MRAP2: variants seen among roughly 807,000 people sequenced by gnomAD.
MRAP2 encodes the protein melanocortin 2 receptor accessory protein 2.
In MRAP2, 20 loss-of-function variants were observed where a neutral mutation model predicts 17.4. The ratio of observed to expected loss-of-function variants is 1.15; its 90% CI spans 0.81 to 1.67. The LOEUF (loss-of-function observed/expected upper bound fraction) is 1.67, where lower values mean the gene tolerates loss of function less well. Among genes scored for constraint, MRAP2 ranks in the 40% most tolerant of loss-of-function variants. MRAP2 has a pLI of 0.00. For synonymous variants in MRAP2, 96 were observed against 88.4 expected, an observed-to-expected ratio of 1.09 and a Z score of -0.48; for missense variants, 238 against 240.0, an observed-to-expected ratio of 0.99 and a Z score of 0.05.
chr6:84,039,376 T>C (rs1299026213), intron 1 of MRAP2, among the ~76,000 whole-genome samples: 1 of 152,240 alleles, frequency 6.6e-6, no homozygotes. Flanking sequence ...ATGATCATGT[T>C]ATTTTTGCTT....
chr6:84,097,305 C>G, the MRAP2 span, among the ~76,000 whole-genome samples: 1 of 152,290 alleles, frequency 6.6e-6, no homozygotes, highest in East Asian at 1.9e-4. Context: ...CGAGCCCACT[C>G]TTTTCAGGGC....
chr6:84,114,884 C>A, the MRAP2 span, among the ~76,000 whole-genome samples: 1 of 152,168 alleles, frequency 6.6e-6, no homozygotes, highest in Non-Finnish European at 1.5e-5. Context: ...ACCCTGTTTT[C>A]CTGGGTATCA....
intron 3 of MRAP2, among the ~76,000 whole-genome samples, chr6:84,075,671 C>T (rs1302001801): frequency 6.6e-6 from 1 of 152,170 alleles, no homozygotes; most frequent in Non-Finnish European, 1.5e-5. Flanking sequence ...GAAAAATTAT[C>T]AAACCCCAGA....
intron 1 of MRAP2, among the ~76,000 whole-genome samples, chr6:84,039,309 CTTT>C (rs2099486923): frequency 6.6e-6 from 1 of 152,162 alleles, no homozygotes; most frequent in African/African-American, 2.4e-5. Flanking sequence ...AAAATTATTT[CTTT>C]AAGGGAATGA....
At chr6:84,061,871 C>G in intron 2 of MRAP2, 1 of 985,430 alleles carries the variant, frequency 1.0e-6, no homozygotes, top group East Asian at 1.1e-4. Context: ...ATCTCTTTTA[C>G]TCTGGAAAAG....
chr6:84,120,589 T>G, the MRAP2 span, among the ~76,000 whole-genome samples: 5 of 152,196 alleles, frequency 3.3e-5, no homozygotes, highest in African/African-American at 1.2e-4. Context: ...ACTGAAGACC[T>G]GCCATGTATA....
At chr6:84,085,464 G>A (rs2099500192) in intron 3 of MRAP2, among the ~76,000 whole-genome samples, 1 of 152,182 alleles carries the variant, frequency 6.6e-6, no homozygotes, top group South Asian at 2.1e-4. Context: ...ATCTTGTCAG[G>A]AAAATGTCAG....
the MRAP2 span, among the ~76,000 whole-genome samples, chr6:84,100,808 A>G: frequency 1.3e-5 from 2 of 152,112 alleles, no homozygotes; most frequent in Middle Eastern, 3.2e-3. Context: ...AAGATCAGGA[A>G]TCTTGGTGTG....
upstream of MRAP2, among the ~76,000 whole-genome samples, chr6:84,033,506 C>G (rs1042359863): frequency 3.9e-5 from 6 of 152,228 alleles, no homozygotes; most frequent in African/African-American, 1.4e-4. Flanking sequence ...TCCTGTTACC[C>G]AAAGTTGACC....
chr6:84,067,298 TG>T (rs1401195852), intron 3 of MRAP2, among the ~76,000 whole-genome samples: 1 of 152,232 alleles, frequency 6.6e-6, no homozygotes, highest in African/African-American at 2.4e-5. Context: ...GCATTTGGGT[TG>T]GTTCCACAAT....
chr6:84,106,781 A>G, the MRAP2 span, among the ~76,000 whole-genome samples: 1 of 152,134 alleles, frequency 6.6e-6, no homozygotes, highest in African/African-American at 2.4e-5. Context: ...CTGATCACTT[A>G]TATACCATTT....
At chr6:84,121,368 G>C in the MRAP2 span, among the ~76,000 whole-genome samples, 96 of 152,278 alleles carry the variant, frequency 6.3e-4, no homozygotes, top group Admixed American at 1.0e-3. Context: ...GCGTGGCCAG[G>C]CATGGTGGCT....
chr6:84,089,625 AGAAGAG>A lies in MRAP2; in HGVS notation c.*145_*150del, dbSNP rs1178766432. Reference sequence around the variant, plus strand: ...AGAGAGGCAGAGAAGAGACCCCTTTAGAAGAGAGCTGAGCTGATTAAGCTGAGTGGT... The same window carrying A: ...AGAGAGGCAGAGAAGAGACCCCTTTAAGCTGAGCTGATTAAGCTGAGTGGT... On this transcript the variant is annotated 3_prime_UTR_variant, in exon 4 of 4. Coordinates refer to ENST00000257776, the MANE Select transcript of MRAP2 (RefSeq NM_138409.4). The A allele has an allele frequency of 1.1e-6, 1 of 950,698 alleles. No homozygotes were observed. The highest frequency in any genetic ancestry group is 1.5e-6 in the Non-Finnish European group (1 of 646,972). The allele number at this position is 950,698 out of a possible 1,614,324, so 58.9% of individuals were successfully genotyped here.
intron 2 of MRAP2, among the ~76,000 whole-genome samples, chr6:84,059,246 A>AC (rs1379435949): frequency 6.6e-6 from 1 of 152,176 alleles, no homozygotes; most frequent in Non-Finnish European, 1.5e-5. Context: ...CAGATACCAG[A>AC]CCCATGCATG....
At chr6:84,049,426 GAAAA>G (rs1003623369) in intron 1 of MRAP2, among the ~76,000 whole-genome samples, 2 of 151,250 alleles carry the variant, frequency 1.3e-5, no homozygotes, top group Non-Finnish European at 1.5e-5. Context: ...CTCCATCTCA[GAAAA>G]AAAACACACA....
At chr6:84,044,551 G>A (rs1293284397) in intron 1 of MRAP2, among the ~76,000 whole-genome samples, 3 of 152,160 alleles carry the variant, frequency 2.0e-5, no homozygotes, top group Admixed American at 6.5e-5. Flanking sequence ...TCTGCTCCAG[G>A]CCTCCCTCCT....
the MRAP2 span, among the ~76,000 whole-genome samples, chr6:84,134,919 TACACACACAC>T: frequency 1.5e-3 from 227 of 148,362 alleles, no homozygotes; most frequent in African/African-American, 4.9e-3. Flanking sequence ...AGATCATATA[TACACACACAC>T]ACACACACAC....
the MRAP2 span, among the ~76,000 whole-genome samples, chr6:84,133,013 G>A: frequency 6.6e-6 from 1 of 152,110 alleles, no homozygotes; most frequent in Admixed American, 6.6e-5. Flanking sequence ...GGTCTTTGAT[G>A]ATGGTGACCT....
At chr6:84,101,321 G>A in the MRAP2 span, among the ~76,000 whole-genome samples, 1 of 152,278 alleles carries the variant, frequency 6.6e-6, no homozygotes, top group Admixed American at 6.5e-5. Context: ...TGGCAGCATG[G>A]GAATACGTGT....
Sources: gnomAD v4.1 joint callset for allele counts (sites outside exome capture counted in the v4.1 genomes callset) on GRCh38, gnomAD v4.1.1 for gene constraint, MANE v1.5 for transcripts, NCBI Gene and HGNC (gene_info 2026-07-23, HGNC 2026-07-21) for gene names.